RHBDD1: variants seen among roughly 807,000 people sequenced by gnomAD.
The protein encoded by RHBDD1 is rhomboid-related protein 4.
In RHBDD1, 38 loss-of-function variants were observed where a neutral mutation model predicts 36.3. The observed-to-expected ratio is 1.05, with a 90% CI of 0.81 to 1.37. The LOEUF (loss-of-function observed/expected upper bound fraction) is 1.37, where lower values mean the gene tolerates loss of function less well. RHBDD1 is among the 40% of genes most tolerant of loss of function. The pLI is 0.00. For missense variants in RHBDD1, 393 were observed against 377.6 expected (o/e 1.04, Z -0.34); for synonymous variants, 151 against 136.5 (o/e 1.11, Z -0.74).
chr2:226,906,938 A>G (rs2125643949), intron 6 of RHBDD1, 57 bp downstream of exon 6: 1 of 1,576,006 alleles, frequency 6.3e-7, no homozygotes, highest in Non-Finnish European at 8.7e-7. Flanking sequence ...GTTAATTTTA[A>G]TGTGAACAGA....
chr2:226,862,851 G>A (rs1282755934), intron 3 of RHBDD1, among the ~76,000 whole-genome samples: 1 of 152,254 alleles, frequency 6.6e-6, no homozygotes, highest in Non-Finnish European at 1.5e-5. Flanking sequence ...GAGCTAGCAT[G>A]TGCAGAGATC....
intron 8 of RHBDD1, chr2:226,988,291 C>T: frequency 1.3e-6 from 2 of 1,535,248 alleles, no homozygotes; most frequent in Non-Finnish European, 1.8e-6. Context: ...GTCTCTTCCC[C>T]TGTCCTTCCC....
intron 5 of RHBDD1, chr2:226,869,268 C>CTT: frequency 1.3e-6 from 1 of 781,576 alleles, no homozygotes; most frequent in Non-Finnish European, 1.6e-6. Flanking sequence ...AACTTAAAGT[C>CTT]TTTTGATTTT....
intron 8 of RHBDD1, among the ~76,000 whole-genome samples, chr2:226,941,663 T>C (rs1037282788): frequency 1.3e-5 from 2 of 152,204 alleles, no homozygotes; most frequent in African/African-American, 4.8e-5. Flanking sequence ...TAGCATTTGT[T>C]TTGATTTTGA....
chr2:226,836,493 A>C (rs769121130), intron 1 of RHBDD1, among the ~76,000 whole-genome samples: 4 of 152,244 alleles, frequency 2.6e-5, no homozygotes, highest in Admixed American at 6.5e-5. Flanking sequence ...GACAGCTTTC[A>C]GTTTCTCAGA....
At chr2:226,957,347 A>T (rs1246217991) in intron 8 of RHBDD1, among the ~76,000 whole-genome samples, 6 of 152,240 alleles carry the variant, frequency 3.9e-5, no homozygotes, top group Admixed American at 6.5e-5. Flanking sequence ...GCACCAAGAG[A>T]ATAACAACCA....
At chr2:226,988,523 G>C in intron 8 of RHBDD1, 1 of 1,502,284 alleles carries the variant, frequency 6.7e-7, no homozygotes, top group Non-Finnish European at 8.9e-7. Flanking sequence ...GATAGCAGCT[G>C]CCCGCACTGT....
chr2:226,970,532 C>A (rs1037444939), intron 8 of RHBDD1, among the ~76,000 whole-genome samples: 3 of 152,162 alleles, frequency 2.0e-5, no homozygotes, highest in Non-Finnish European at 4.4e-5. Context: ...GGCACGGAAG[C>A]AGCCTTATTT....
intron 5 of RHBDD1, 115 bp downstream of exon 5, chr2:226,867,433 T>A: frequency 8.0e-7 from 1 of 1,254,844 alleles, no homozygotes; most frequent in Non-Finnish European, 1.1e-6. Flanking sequence ...ATTCTTTATC[T>A]ATTAGGACAG....
intron 3 of RHBDD1, among the ~76,000 whole-genome samples, chr2:226,862,789 A>T (rs1357757889): frequency 1.3e-5 from 2 of 152,206 alleles, no homozygotes; most frequent in African/African-American, 4.8e-5. Context: ...TTCAAGATTG[A>T]GCATCTGGTG....
chr2:226,898,068 G>A (rs1375537905), intron 5 of RHBDD1, among the ~76,000 whole-genome samples: 2 of 152,188 alleles, frequency 1.3e-5, no homozygotes, highest in African/African-American at 2.4e-5. Flanking sequence ...TCACCCGCAA[G>A]GGAGGACATT....
intron 8 of RHBDD1, among the ~76,000 whole-genome samples, chr2:226,931,287 C>A (rs1950016328): frequency 6.6e-6 from 1 of 151,904 alleles, no homozygotes; most frequent in Non-Finnish European, 1.5e-5. Flanking sequence ...ATATATACAC[C>A]ATGGAATGCT....
intron 8 of RHBDD1, among the ~76,000 whole-genome samples, chr2:226,945,625 T>A (rs1950939849): frequency 6.6e-6 from 1 of 152,186 alleles, no homozygotes; most frequent in Non-Finnish European, 1.5e-5. Context: ...AACATACGTC[T>A]GCATGTGTCT....
chr2:226,829,447 GTTAAT>G, the RHBDD1 span, among the ~76,000 whole-genome samples: 3 of 152,128 alleles, frequency 2.0e-5, no homozygotes, highest in Non-Finnish European at 2.9e-5. Context: ...GAATGTATAG[GTTAAT>G]TTAAGAAGGA....
At chr2:226,820,644 CAAAAAAAA>C in the RHBDD1 span, among the ~76,000 whole-genome samples, 9 of 63,514 alleles carry the variant, frequency 1.4e-4, no homozygotes, top group South Asian at 6.8e-4. Flanking sequence ...TCCATCTCCA[CAAAAAAAA>C]AAAAAAAAAA....
At chr2:226,947,700 C>A (rs1305287848) in intron 8 of RHBDD1, among the ~76,000 whole-genome samples, 1 of 151,956 alleles carries the variant, frequency 6.6e-6, no homozygotes, top group African/African-American at 2.4e-5. Context: ...CCAGAATCTA[C>A]AATGAACTCA....
In RHBDD1 at chr2:226,988,682, A is replaced by C. The variant is rs944390908; in HGVS notation, c.857-6749A>C. 5.1e-6 allele frequency: 5 copies of C among 982,214 alleles called. No homozygotes were observed. The South Asian group carries it at 2.4e-4, about 46-fold the overall frequency. The allele number at this position is 982,214 out of a possible 1,614,324, so 60.8% of individuals were successfully genotyped here. A position where few individuals can be genotyped will look rare whatever the true frequency, so the allele number is the denominator to read the frequency against. ...GATTTTAATATTCCGAAGGGTTTTC[A>C]TACTTTTTCTATCATTTTACAGACC... is the stretch of plus-strand genomic sequence containing the variant. On this transcript the variant is annotated intron_variant, in intron 8 of 8. Coordinates refer to ENST00000392062, the MANE Select transcript of RHBDD1 (RefSeq NM_001167608.3).
At chr2:226,983,323 G>A (rs953416579) in intron 8 of RHBDD1, among the ~76,000 whole-genome samples, 5 of 152,100 alleles carry the variant, frequency 3.3e-5, no homozygotes, top group African/African-American at 7.2e-5. Flanking sequence ...TTAGCCCTTC[G>A]AAGCATGCTG....
At chr2:226,877,277 A>G (rs1000625937) in intron 5 of RHBDD1, among the ~76,000 whole-genome samples, 4 of 152,144 alleles carry the variant, frequency 2.6e-5, no homozygotes, top group Non-Finnish European at 5.9e-5. Flanking sequence ...TTATGCATTG[A>G]TTATTTGGAA....
Sources: allele counts gnomAD v4.1 joint callset (sites outside exome capture counted in the v4.1 genomes callset), GRCh38; gene constraint gnomAD v4.1.1; transcripts MANE v1.5; gene names NCBI Gene and HGNC (gene_info 2026-07-23, HGNC 2026-07-21).